The following LEKR1 variants were observed in gnomAD, a reference collection of about 807,000 sequenced individuals.
LEKR1 encodes leucine, glutamate and lysine rich 1.
In LEKR1, 59 loss-of-function variants were observed where a neutral mutation model predicts 72.4. The observed-to-expected ratio is 0.82, with a 90% CI of 0.66 to 1.01. LEKR1 has a LOEUF of 1.01. LEKR1 is among the 50% of genes least tolerant of loss of function. LEKR1 has a pLI of 0.00. For missense variants in LEKR1, 728 were observed against 759.2 expected (o/e 0.96, Z 0.48); for synonymous variants, 257 against 263.2 (o/e 0.98, Z 0.23).
chr3:156,913,192 G>A (rs980837819), intron 3 of LEKR1, among the ~76,000 whole-genome samples: 1 of 152,088 alleles, frequency 6.6e-6, no homozygotes, highest in African/African-American at 2.4e-5. Flanking sequence ...GTTTGATAGG[G>A]ATAGCACTGA....
intron 12 of LEKR1, among the ~76,000 whole-genome samples, chr3:157,039,915 C>T (rs866203744): frequency 2.5e-4 from 38 of 152,198 alleles, no homozygotes; most frequent in Middle Eastern, 6.8e-3. Context: ...AGAATATTTA[C>T]GTCTTTTTTA....
intron 6 of LEKR1, among the ~76,000 whole-genome samples, chr3:156,958,616 TC>T (rs1463752767): frequency 6.6e-6 from 1 of 152,078 alleles, no homozygotes; most frequent in African/African-American, 2.4e-5. Flanking sequence ...CAATAGATGT[TC>T]CCATCTATTG....
intron 2 of LEKR1, among the ~76,000 whole-genome samples, chr3:156,829,658 TG>T (rs1158058876): frequency 3.3e-5 from 5 of 152,186 alleles, no homozygotes; most frequent in Non-Finnish European, 7.3e-5. Flanking sequence ...GAAACGTCCA[TG>T]TGTGTTTTAA....
At chr3:156,863,042 A>G (rs889846694) in intron 3 of LEKR1, among the ~76,000 whole-genome samples, 17 of 152,086 alleles carry the variant, frequency 1.1e-4, no homozygotes, top group African/African-American at 4.1e-4. Context: ...TTGGCTTTCC[A>G]GCAAATCCTT....
At chr3:157,036,865 CT>C in intron 12 of LEKR1, among the ~76,000 whole-genome samples, 1 of 152,238 alleles carries the variant, frequency 6.6e-6, no homozygotes, top group East Asian at 1.9e-4. Context: ...GATATTTACA[CT>C]TCTGTAAGTT....
chr3:156,985,451 C>A (rs1203070956), intron 7 of LEKR1, among the ~76,000 whole-genome samples: 3 of 152,160 alleles, frequency 2.0e-5, no homozygotes, highest in Admixed American at 1.3e-4. Flanking sequence ...GTTGTAGTGA[C>A]AGAATAACGG....
intron 7 of LEKR1, among the ~76,000 whole-genome samples, chr3:156,984,166 G>A (rs1384818311): frequency 6.6e-6 from 1 of 152,142 alleles, no homozygotes; most frequent in African/African-American, 2.4e-5. Flanking sequence ...ACATACACAT[G>A]CATATGGATT....
intron 6 of LEKR1, among the ~76,000 whole-genome samples, chr3:156,953,172 AG>A (rs919289536): frequency 6.6e-6 from 1 of 150,696 alleles, no homozygotes; most frequent in African/African-American, 2.4e-5. Context: ...TAAAAAAAAA[AG>A]CTTTATTTTT....
chr3:156,946,498 T>A (rs2107971913), intron 6 of LEKR1, among the ~76,000 whole-genome samples: 2 of 151,638 alleles, frequency 1.3e-5, no homozygotes, highest in African/African-American at 4.8e-5. Context: ...GTGGTGAAAG[T>A]GGGCATCCTT....
chr3:156,943,597 T>A (rs1327418480), intron 6 of LEKR1, among the ~76,000 whole-genome samples: 1 of 151,842 alleles, frequency 6.6e-6, no homozygotes, highest in Non-Finnish European at 1.5e-5. Context: ...TCCCACTGTG[T>A]CTATTTAGGC....
At chr3:157,028,466 AC>A in intron 12 of LEKR1, 64 bp downstream of exon 12, 1 of 1,395,412 alleles carries the variant, frequency 7.2e-7, no homozygotes, top group Non-Finnish European at 9.7e-7. Flanking sequence ...CAACAAACAA[AC>A]AAAAACGTGA....
chr3:156,928,807 AACAGATTTAAC>A (rs1413357793), intron 5 of LEKR1, among the ~76,000 whole-genome samples: 3 of 152,110 alleles, frequency 2.0e-5, no homozygotes, highest in Non-Finnish European at 1.5e-5. Context: ...CCCTATGAGA[AACAGATTTAAC>A]ACTCTAAGTT....
At chr3:156,922,811 G>A (rs1346222531) in intron 4 of LEKR1, among the ~76,000 whole-genome samples, 1 of 152,146 alleles carries the variant, frequency 6.6e-6, no homozygotes, top group Non-Finnish European at 1.5e-5. Flanking sequence ...TCACAAAGTT[G>A]TGTTTAAGTT....
At chr3:156,892,716 T>C (rs1720788068) in intron 3 of LEKR1, among the ~76,000 whole-genome samples, 1 of 152,224 alleles carries the variant, frequency 6.6e-6, no homozygotes, top group Admixed American at 6.5e-5. Flanking sequence ...TGTGCATGCA[T>C]AAAATTTTGT....
At chr3:156,863,621 G>T (rs994843268) in intron 3 of LEKR1, among the ~76,000 whole-genome samples, 5 of 152,076 alleles carry the variant, frequency 3.3e-5, no homozygotes, top group Non-Finnish European at 5.9e-5. Flanking sequence ...TTAACTCATT[G>T]ACTAAAGTAT....
At chr3:156,924,352 T>C (rs1724506670) in intron 4 of LEKR1, 1 of 409,488 alleles carries the variant, frequency 2.4e-6, no homozygotes, top group Non-Finnish European at 4.3e-6. Flanking sequence ...GAGTTCTTTC[T>C]ATATTCTGGG....
intron 6 of LEKR1, among the ~76,000 whole-genome samples, chr3:156,969,140 A>C (rs1728909623): frequency 1.3e-5 from 2 of 152,194 alleles, no homozygotes; most frequent in African/African-American, 4.8e-5. Context: ...TGTAGAGGGA[A>C]ATTTATAGCA....
In LEKR1 at chr3:156,829,325, A is replaced by T; in HGVS notation, c.-5A>T. 6.5e-7 allele frequency: 1 copy of T among 1,530,506 alleles called. No homozygotes were observed. Among genetic ancestry groups the T allele is most frequent in the Non-Finnish European group, 8.8e-7 (1 of 1,142,464 alleles). 94.8% of individuals were successfully genotyped at this position (1,530,506 alleles called of 1,614,324 possible). A position where few individuals can be genotyped will look rare whatever the true frequency, so the allele number is the denominator to read the frequency against. Reference sequence around the variant, plus strand: ...CAAAGCTCTCTCACCATATTTTGGGAAGTTATGGATCATCACATTCCCATG... The same window carrying T: ...CAAAGCTCTCTCACCATATTTTGGGTAGTTATGGATCATCACATTCCCATG... On this transcript the variant is annotated 5_prime_UTR_variant, in exon 2 of 13. Coordinates refer to ENST00000356539, the MANE Select transcript of LEKR1 (RefSeq NM_001004316.3).
chr3:156,858,113 AT>A (rs1327185482), intron 3 of LEKR1, among the ~76,000 whole-genome samples: 1 of 152,152 alleles, frequency 6.6e-6, no homozygotes, highest in African/African-American at 2.4e-5. Flanking sequence ...AAAATCAAGC[AT>A]TTCACTTGCA....
Sources: allele counts gnomAD v4.1 joint callset (sites outside exome capture counted in the v4.1 genomes callset), GRCh38; gene constraint gnomAD v4.1.1; transcripts MANE v1.5; gene names NCBI Gene and HGNC (gene_info 2026-07-23, HGNC 2026-07-21).